Variants in PAQR8 observed in about 807,000 individuals in gnomAD.
The protein encoded by PAQR8 is membrane progestin receptor beta.
Under a neutral mutation model 25.2 loss-of-function variants are expected in PAQR8, and 17 were observed. The ratio of observed to expected loss-of-function variants is 0.67; its 90% confidence interval spans 0.46 to 1.01. The LOEUF (loss-of-function observed/expected upper bound fraction) is 1.01. PAQR8 is among the 50% of genes least tolerant of loss of function. The pLI is 0.00. For synonymous variants in PAQR8, 204 were observed against 190.6 expected, an observed-to-expected ratio of 1.07 and a Z score of -0.58; for missense variants, 392 against 448.4, an observed-to-expected ratio of 0.87 and a Z score of 1.14.
chr6:52,397,407 C>T (rs968005862), intron 1 of PAQR8, among the ~76,000 whole-genome samples: 1 of 152,196 alleles, frequency 6.6e-6, no homozygotes, highest in African/African-American at 2.4e-5. Context: ...CCACTTCCCC[C>T]CAACGCTGCC....
At chr6:52,375,078 G>A (rs996954424) in intron 1 of PAQR8, among the ~76,000 whole-genome samples, 1 of 151,884 alleles carries the variant, frequency 6.6e-6, no homozygotes, top group Non-Finnish European at 1.5e-5. Flanking sequence ...TTTTAAAAAC[G>A]TTTAGTGGGA....
chr6:52,372,939 G>T (rs1198768391), intron 1 of PAQR8, among the ~76,000 whole-genome samples: 1 of 152,276 alleles, frequency 6.6e-6, no homozygotes, highest in East Asian at 1.9e-4. Context: ...GACACAAGGA[G>T]TTTAAATTAC....
At chr6:52,369,867 A>AC (rs1763397085) in intron 1 of PAQR8, among the ~76,000 whole-genome samples, 1 of 152,106 alleles carries the variant, frequency 6.6e-6, no homozygotes, top group Admixed American at 6.6e-5. Flanking sequence ...GTTGTCAGAG[A>AC]CCCTGAGTAC....
At position 52,407,003 on chromosome 6, in the gene PAQR8, A is replaced by G. The variant is rs1763918421; in HGVS notation, c.*2725A>G. 5.9e-6 allele frequency: 1 copy of G among 168,404 alleles called. No individual in the cohort carries two copies. The highest frequency in any genetic ancestry group is 2.1e-4 in the South Asian group (1 of 4,844). 10.4% of individuals were successfully genotyped at this position (168,404 alleles called of 1,614,324 possible). ...TAACTACTCAGACTTTTGAGGAATT[A>G]ATCCTTTTAAAACATTTTTGTTAAA... On this transcript the variant is annotated 3_prime_UTR_variant, in exon 2 of 2. Coordinates refer to ENST00000442253, the MANE Select transcript of PAQR8 (RefSeq NM_133367.5).
intron 1 of PAQR8, among the ~76,000 whole-genome samples, chr6:52,363,874 C>CTTTGTTTTTGTT (rs10624831): frequency 6.0e-5 from 9 of 150,722 alleles, no homozygotes; most frequent in Admixed American, 2.6e-4. Flanking sequence ...CAAGGCATGG[C>CTTTGTTTTTGTT]TTTGTTTTTG....
intron 1 of PAQR8, among the ~76,000 whole-genome samples, chr6:52,390,351 T>C (rs1763689278): frequency 6.6e-6 from 1 of 152,148 alleles, no homozygotes; most frequent in South Asian, 2.1e-4. Flanking sequence ...AAAAAGGCAC[T>C]CAGAGGAAAT....
rs74576634 is a variant in PAQR8, at chr6:52,377,232, A to G, written c.-53+14983A>G. ...CATTCATCTTACTCCTTGTAATTGC[A>G]TTCATTTTTTTTCAACTTTAATTCA... On this transcript the variant is annotated intron_variant, in intron 1 of 1. Coordinates refer to ENST00000442253, the MANE Select transcript of PAQR8 (RefSeq NM_133367.5). Among the ~76,000 whole-genome samples, 578 of 152,246 alleles carry G rather than the reference A, an allele frequency of 3.8e-3. 6 individuals are homozygous for G. Among genetic ancestry groups the G allele is most frequent in the African/African-American group, 0.013 (538 of 41,532 alleles).
At chr6:52,395,597 CA>C (rs1319560710) in intron 1 of PAQR8, among the ~76,000 whole-genome samples, 1 of 152,152 alleles carries the variant, frequency 6.6e-6, no homozygotes, top group Non-Finnish European at 1.5e-5. Context: ...TGTTACAAAA[CA>C]AATAATATTC....
chr6:52,395,247 TG>T, intron 1 of PAQR8, among the ~76,000 whole-genome samples: 1 of 125,540 alleles, frequency 8.0e-6, no homozygotes, highest in African/African-American at 3.1e-5. Flanking sequence ...CACTCCAGCC[TG>T]GGCGACACAG....
Position 52,404,972 on chromosome 6 carries a change from G to A in PAQR8, c.*694G>A, listed in dbSNP as rs996085342. The A allele has an allele frequency of 1.2e-5, 2 of 167,022 alleles. No homozygotes were observed. The highest frequency in any genetic ancestry group is 2.9e-5 in the Non-Finnish European group (2 of 68,170). The allele number at this position is 167,022 out of a possible 1,614,324, so 10.3% of individuals were successfully genotyped here. On this transcript the variant is annotated 3_prime_UTR_variant, in exon 2 of 2. Coordinates refer to ENST00000442253, the MANE Select transcript of PAQR8 (RefSeq NM_133367.5). ...ACTTCCAGGAAATGCTTGGATTCAT[G>A]TGGACATTCAGGAAGCTTATTCTCA...
In PAQR8 at chr6:52,403,514, G is replaced by A. The variant is rs1178225703; in HGVS notation, c.301G>A (p.Ala101Thr). The change falls in exon 2 of 2, where the codon GCC (alanine) becomes ACC (threonine). Residue 101 changes from alanine to threonine, a missense_variant. Coordinates refer to ENST00000442253, the MANE Select transcript of PAQR8 (RefSeq NM_133367.5). ...ATTCTGGGCCTTTGCCGAGGCTGAGGCCTTGCCATGGGCGTCTACCCACTC... is the reference window on the plus strand; with the variant it reads ...ATTCTGGGCCTTTGCCGAGGCTGAGACCTTGCCATGGGCGTCTACCCACTC... ...LRFWAFAEAEALPWASTHSLP... is the reference protein window; with the variant it reads ...LRFWAFAEAETLPWASTHSLP... 2 of 1,614,054 alleles carry A rather than the reference G, an allele frequency of 1.2e-6. No homozygotes were observed. Among genetic ancestry groups the A allele is most frequent in the Admixed American group, 3.3e-5 (2 of 60,032 alleles).
At chr6:52,379,996 T>C (rs1763539907) in intron 1 of PAQR8, among the ~76,000 whole-genome samples, 1 of 151,282 alleles carries the variant, frequency 6.6e-6, no homozygotes, top group Non-Finnish European at 1.5e-5. Context: ...CCTGACCTCA[T>C]GAGATCCACC....
chr6:52,380,043 G>A (rs544673459), intron 1 of PAQR8, among the ~76,000 whole-genome samples: 1 of 152,346 alleles, frequency 6.6e-6, no homozygotes, highest in South Asian at 2.1e-4. Context: ...TTACAGGCGT[G>A]AGCCACCCGA....
chr6:52,403,570 A>G lies in PAQR8; in HGVS notation c.357A>G (p.Ser119=). Residue 119 remains serine (S), a synonymous_variant, in exon 2 of 2, where the codon TCA becomes TCG. Coordinates refer to ENST00000442253, the MANE Select transcript of PAQR8 (RefSeq NM_133367.5). ...SLPLLLFILS[S]ITYLTCSLLA... is the part of the protein sequence containing the mutation. Reference sequence around the variant, plus strand: ...CTCTGCTCCTCTTCATCCTGTCGTCAATCACTTACCTCACCTGCAGCCTTC... The same window carrying G: ...CTCTGCTCCTCTTCATCCTGTCGTCGATCACTTACCTCACCTGCAGCCTTC... The G allele has an allele frequency of 6.2e-7, 1 of 1,614,106 alleles. No individual in the cohort carries two copies. The highest frequency in any genetic ancestry group is 8.5e-7 in the Non-Finnish European group (1 of 1,180,022).
Position 52,407,661 on chromosome 6 carries a change from G to T in PAQR8, c.*3383G>T. ...TCTGTCTACTAATTCTATTGGTCTT[G>T]TGTTTTGCTTGCTTGGCAAAAAAAA... On this transcript the variant is annotated 3_prime_UTR_variant, in exon 2 of 2. Transcript: ENST00000442253. 1 of 68,944 alleles carries T rather than the reference G, an allele frequency of 1.5e-5. No homozygotes were observed. 4.3% of individuals were successfully genotyped at this position (68,944 alleles called of 1,614,324 possible).
rs114068953 is a variant in PAQR8, at chr6:52,368,100, C to T, written c.-53+5851C>T. Among the ~76,000 whole-genome samples, 773 of 152,216 alleles carry T rather than the reference C, an allele frequency of 5.1e-3. 1 individual carries two copies. Among genetic ancestry groups the T allele is most frequent in the African/African-American group, 0.018 (729 of 41,510 alleles). On this transcript the variant is annotated intron_variant, in intron 1 of 1. Transcript: ENST00000442253. The stretch of plus-strand genomic sequence containing the variant: ...CAAAAAATAGCCAGGTGTGGTGGCA[C>T]GTGCCTGTAGTCCCAACTACTTGGG...
intron 1 of PAQR8, among the ~76,000 whole-genome samples, chr6:52,384,586 A>G (rs1763607873): frequency 6.6e-6 from 1 of 152,198 alleles, no homozygotes; most frequent in South Asian, 2.1e-4. Flanking sequence ...GGAAGTTAGG[A>G]GTGTTGTAAT....
At chr6:52,384,720 A>G (rs1763610012) in intron 1 of PAQR8, among the ~76,000 whole-genome samples, 1 of 152,222 alleles carries the variant, frequency 6.6e-6, no homozygotes, top group African/African-American at 2.4e-5. Context: ...TCCTAAGCAA[A>G]AGGAACAAAG....
intron 1 of PAQR8, among the ~76,000 whole-genome samples, chr6:52,377,647 A>C (rs1402965593): frequency 6.6e-6 from 1 of 152,018 alleles, no homozygotes; most frequent in Non-Finnish European, 1.5e-5. Flanking sequence ...CATCCTTGGG[A>C]CTTGTTTAAG....
Sources: gnomAD v4.1 joint callset for allele counts (sites outside exome capture counted in the v4.1 genomes callset) on GRCh38, gnomAD v4.1.1 for gene constraint, MANE v1.5 for transcripts, NCBI Gene and HGNC (gene_info 2026-07-23, HGNC 2026-07-21) for gene names.